The following AK8 variants were observed in gnomAD, a reference collection of about 807,000 sequenced individuals.
The protein encoded by AK8 is adenylate kinase 8, also known as ATP-AMP transphosphorylase 8.
In AK8, 44 loss-of-function variants were observed where a neutral mutation model predicts 54.6. That is an observed-to-expected ratio of 0.81 (90% CI 0.63 to 1.04). The LOEUF is 1.04. Among genes scored for constraint, AK8 ranks in the 50% least tolerant of loss-of-function variants. The pLI is 0.00. For missense variants in AK8, 555 were observed against 613.6 expected, an observed-to-expected ratio of 0.90 and a Z score of 1.01; for synonymous variants, 239 against 245.6, an observed-to-expected ratio of 0.97 and a Z score of 0.25.
chr9:132,740,937 T>TC (rs1388661111), intron 11 of AK8, among the ~76,000 whole-genome samples: 2 of 152,302 alleles, frequency 1.3e-5, no homozygotes, highest in Non-Finnish European at 1.5e-5. Context: ...GGTGTGTTTG[T>TC]CCTACTCTCA....
At position 132,867,772 on chromosome 9, in the gene AK8, G is replaced by A. The variant is rs1007961542; in HGVS notation, c.170-819C>T. Among the ~76,000 whole-genome samples, 10 of 152,240 alleles carry A rather than the reference G, an allele frequency of 6.6e-5. 1 individual carries two copies. The highest frequency in any genetic ancestry group is 1.9e-4 in the African/African-American group (8 of 41,456). On this transcript the variant is annotated intron_variant, in intron 2 of 12. Transcript: ENST00000298545. ...GGCAAGGCCTCCCAGGGCCCTCCCT[G>A]TGGGGAGAGAACCCACTGCAGGTGG...
At position 132,803,457 on chromosome 9, in the gene AK8, A is replaced by G. The variant is rs1319027664; in HGVS notation, c.980-10682T>C. On this transcript the variant is annotated intron_variant, in intron 10 of 12. Coordinates refer to ENST00000298545, the MANE Select transcript of AK8 (RefSeq NM_152572.3). This position sits in a 1 kb window ranked among gnomAD's most constrained non-coding sequence, Gnocchi z 4.4. ...GAGTACCATTACTACCACTAAGATG[A>G]TGACGATGGCAACTCCATTCTTGAT... Among the ~76,000 whole-genome samples, 1 of 152,230 alleles carries G rather than the reference A, an allele frequency of 6.6e-6. No individual in the cohort carries two copies. The highest frequency in any genetic ancestry group is 1.5e-5 in the Non-Finnish European group (1 of 68,044).
In AK8 at chr9:132,822,336, C is replaced by A. The variant is rs534622997; in HGVS notation, c.889+869G>T. The stretch of plus-strand genomic sequence containing the variant: ...ATATGTGTATGTATATACAAATATA[C>A]ATACAAATGTACAAAAATGTACATA... On this transcript the variant is annotated intron_variant, in intron 9 of 12. Coordinates refer to ENST00000298545, the MANE Select transcript of AK8 (RefSeq NM_152572.3). Among the ~76,000 whole-genome samples, 275 of 148,492 alleles carry A rather than the reference C, an allele frequency of 1.9e-3. 1 individual carries two copies. The highest frequency in any genetic ancestry group is 3.4e-3 in the Non-Finnish European group (227 of 67,122).
chr9:132,835,648 A>G (rs1842295557), intron 5 of AK8, among the ~76,000 whole-genome samples: 1 of 152,222 alleles, frequency 6.6e-6, no homozygotes, highest in South Asian at 2.1e-4. Context: ...CACAATGTGA[A>G]TAATCAAAAT....
At position 132,828,706 on chromosome 9, in the gene AK8, G is replaced by T. The variant is rs899551728; in HGVS notation, c.423C>A (p.Ile141=). 6.2e-7 allele frequency: 1 copy of T among 1,611,982 alleles called. No individual in the cohort carries two copies. The highest frequency in any genetic ancestry group is 1.3e-5 in the African/African-American group (1 of 74,912). Residue 141 remains isoleucine (I), a synonymous_variant, in exon 6 of 13, where the codon ATC becomes ATA. Transcript: ENST00000298545. ...TCAGAGCCTGCTCACGCGTCTCAGG[G>T]ATGCCATCCAGAATCCAGCCCTAGA... ...CIKQGWILDG[I]PETREQALRI...
chr9:132,767,408 TA>T (rs1838769937), intron 11 of AK8, among the ~76,000 whole-genome samples: 1 of 151,906 alleles, frequency 6.6e-6, no homozygotes, highest in Non-Finnish European at 1.5e-5. Flanking sequence ...CACAATTAGA[TA>T]TCATCTCACC....
rs543367522 is a variant in AK8, at chr9:132,860,826, G to T, written c.333+2839C>A. On this transcript the variant is annotated intron_variant, in intron 4 of 12. Transcript: ENST00000298545. This position sits in a 1 kb window ranked among gnomAD's most constrained non-coding sequence, Gnocchi z 4.4. ...AGGTCATGGGTTGGTCTCCTGGGTGGGCTGCTGCAGATTGTGGGGCAGAGT... is the reference window on the plus strand; with the variant it reads ...AGGTCATGGGTTGGTCTCCTGGGTGTGCTGCTGCAGATTGTGGGGCAGAGT... 3.4e-4 allele frequency among the ~76,000 whole-genome samples: 52 copies of T among 152,278 alleles called. No individual in the cohort carries two copies. The highest frequency in any genetic ancestry group is 1.2e-3 in the African/African-American group (51 of 41,552).
At chr9:132,786,632 A>G (rs536593549) in intron 11 of AK8, among the ~76,000 whole-genome samples, 75 of 152,152 alleles carry the variant, frequency 4.9e-4, no homozygotes, top group Non-Finnish European at 9.8e-4. Flanking sequence ...TATCACCCCA[A>G]TGATACCACC....
rs199956942 is a variant in AK8, at chr9:132,828,697, C to T, written c.432G>A (p.Thr144=). ...QGWILDGIPE[T]REQALRIQTL... is the part of the protein sequence containing the mutation. ...TCTGGATCCTCAGAGCCTGCTCACGCGTCTCAGGGATGCCATCCAGAATCC... is the reference window on the plus strand; with the variant it reads ...TCTGGATCCTCAGAGCCTGCTCACGTGTCTCAGGGATGCCATCCAGAATCC... Residue 144 remains threonine (T), a synonymous_variant, in exon 6 of 13, where the codon ACG becomes ACA. Coordinates refer to ENST00000298545, the MANE Select transcript of AK8 (RefSeq NM_152572.3). 1.8e-5 allele frequency: 29 copies of T among 1,612,034 alleles called. No individual in the cohort carries two copies. The highest frequency in any genetic ancestry group is 2.4e-5 in the Non-Finnish European group (28 of 1,178,700).
At chr9:132,823,466 CTG>C in intron 8 of AK8, 130 bp from the exon 9 acceptor site, 1 of 1,296,298 alleles carries the variant, frequency 7.7e-7, no homozygotes. Context: ...TGGAAGCCCT[CTG>C]TGCATCTGGC....
intron 1 of AK8, among the ~76,000 whole-genome samples, chr9:132,876,128 C>G (rs1017044049): frequency 3.9e-5 from 6 of 151,972 alleles, no homozygotes; most frequent in Non-Finnish European, 7.4e-5. Flanking sequence ...GAAAGAGCAC[C>G]GAGCCATGAG....
At chr9:132,871,831 A>C (rs1251068353) in intron 2 of AK8, among the ~76,000 whole-genome samples, 1 of 152,276 alleles carries the variant, frequency 6.6e-6, no homozygotes, top group Non-Finnish European at 1.5e-5. Context: ...CTGTCCAGCC[A>C]ACATCAACTG....
chr9:132,782,259 C>T (rs986692724), intron 11 of AK8, among the ~76,000 whole-genome samples: 1 of 152,004 alleles, frequency 6.6e-6, no homozygotes, highest in Non-Finnish European at 1.5e-5. Context: ...AGTCATTTTT[C>T]CCCCCAGGCT....
rs1442209571 is a variant in AK8, at chr9:132,791,604, TA to T, written c.1121+1029del. On this transcript the variant is annotated intron_variant, in intron 11 of 12. Coordinates refer to ENST00000298545, the MANE Select transcript of AK8 (RefSeq NM_152572.3). The surrounding 1 kb of genome is among the most constrained non-coding windows in gnomAD (Gnocchi z 4.0). ...TATTGAAATACAGATATGACAAAAGTAAAGTAGTTAAACAGAGAGGTACTAC... is the reference window on the plus strand; with the variant it reads ...TATTGAAATACAGATATGACAAAAGTAAGTAGTTAAACAGAGAGGTACTAC... Among the ~76,000 whole-genome samples the T allele has an allele frequency of 5.3e-5, 8 of 152,272 alleles. No homozygotes were observed. The highest frequency in any genetic ancestry group is 1.9e-4 in the African/African-American group (8 of 41,564).
chr9:132,868,532 G>A (rs370419703), intron 2 of AK8, among the ~76,000 whole-genome samples: 16 of 152,004 alleles, frequency 1.1e-4, no homozygotes, highest in South Asian at 2.1e-4. Context: ...CTCCCTCCCC[G>A]AGATCCTTGT....
intron 10 of AK8, among the ~76,000 whole-genome samples, chr9:132,792,978 T>A (rs1193086430): frequency 6.6e-6 from 1 of 152,208 alleles, no homozygotes; most frequent in African/African-American, 2.4e-5. Context: ...AGATGGGAAA[T>A]GCACTGGCTG....
At chr9:132,853,214 C>G (rs938839650) in intron 5 of AK8, among the ~76,000 whole-genome samples, 2 of 151,250 alleles carry the variant, frequency 1.3e-5, no homozygotes, top group Admixed American at 6.6e-5. Context: ...AAAAATAAGC[C>G]AGGCATGGTG....
intron 10 of AK8, among the ~76,000 whole-genome samples, chr9:132,810,130 C>G (rs412111): frequency 6.6e-6 from 1 of 152,072 alleles, no homozygotes. Context: ...GTTATCCCTG[C>G]GAGATCAGGA....
At chr9:132,840,307 C>T (rs1310602752) in intron 5 of AK8, among the ~76,000 whole-genome samples, 1 of 152,026 alleles carries the variant, frequency 6.6e-6, no homozygotes, top group Non-Finnish European at 1.5e-5. Flanking sequence ...GTGAACCGAG[C>T]ATCTCACGTG....
Sources: allele counts gnomAD v4.1 joint callset (sites outside exome capture counted in the v4.1 genomes callset), GRCh38; gene constraint gnomAD v4.1.1; non-coding constraint Gnocchi (gnomAD v3.1); transcripts MANE v1.5; gene names NCBI Gene and HGNC (gene_info 2026-07-23, HGNC 2026-07-21).